Variants in KAZN observed in about 807,000 individuals in gnomAD.
The protein encoded by KAZN is kazrin, periplakin interacting protein.
KAZN carries 40 observed loss-of-function variants against 87.4 expected under a neutral mutation model. That is an observed-to-expected ratio of 0.46 (90% CI 0.36 to 0.60). The LOEUF is 0.60. Among genes scored for constraint, KAZN ranks in the 20% least tolerant of loss-of-function variants. KAZN has a pLI of 0.00. For missense variants in KAZN, 898 were observed against 1,073.9 expected, an observed-to-expected ratio of 0.84 and a Z score of 2.29; for synonymous variants, 466 against 458.3, an observed-to-expected ratio of 1.02 and a Z score of -0.22.
intron 1 of KAZN, among the ~76,000 whole-genome samples, chr1:14,870,360 T>A (rs753466382): frequency 5.3e-5 from 8 of 152,188 alleles, no homozygotes; most frequent in Non-Finnish European, 1.2e-4. Context: ...GTGTTTGTAT[T>A]GAGACAGAGT....
rs1483757953 is a variant in KAZN, at chr1:14,820,048, C to T, written c.227-140636C>T. Among the ~76,000 whole-genome samples the T allele has an allele frequency of 6.6e-6, 1 of 152,110 alleles. No individual in the cohort carries two copies. Among genetic ancestry groups the T allele is most frequent in the Non-Finnish European group, 1.5e-5 (1 of 68,028 alleles). On this transcript the variant is annotated intron_variant, in intron 1 of 14. Transcript: ENST00000376030. The surrounding 1 kb of genome is among the most constrained non-coding windows in gnomAD (Gnocchi z 4.1). The stretch of plus-strand genomic sequence containing the variant: ...TTTATATATATATAGTCCACCCTCA[C>T]CTCTATCTAATCTAGTGGTTCTCCA...
chr1:13,957,562 T>G (rs1641593226), intron 1 of KAZN, among the ~76,000 whole-genome samples: 1 of 152,082 alleles, frequency 6.6e-6, no homozygotes. Context: ...TTCTGATGGT[T>G]AGAAAGTTCA....
chr1:14,340,887 C>CTTTTTT (rs1557650364), intron 2 of KAZN, among the ~76,000 whole-genome samples: 2 of 45,120 alleles, frequency 4.4e-5, no homozygotes, highest in African/African-American at 2.4e-4. Context: ...CATGATTTTC[C>CTTTTTT]CTTTTTTTTT....
chr1:14,797,370 G>C (rs376102193), intron 1 of KAZN, among the ~76,000 whole-genome samples: 2 of 152,256 alleles, frequency 1.3e-5, no homozygotes, highest in East Asian at 3.9e-4. Context: ...CTATGGTGCT[G>C]TTTTTAATTT....
At chr1:14,760,380 C>T (rs974926295) in intron 1 of KAZN, among the ~76,000 whole-genome samples, 17 of 152,168 alleles carry the variant, frequency 1.1e-4, no homozygotes, top group African/African-American at 3.6e-4. Flanking sequence ...GGTTGAAGTG[C>T]GTTATCTCTT....
chr1:14,966,302 A>AAGT (rs1428981003), intron 2 of KAZN, among the ~76,000 whole-genome samples: 3 of 152,062 alleles, frequency 2.0e-5, no homozygotes, highest in Non-Finnish European at 4.4e-5. Context: ...TTTTAATGAG[A>AAGT]AGTAGCTGTA....
chr1:14,955,293 C>T (rs1284953487), intron 1 of KAZN, among the ~76,000 whole-genome samples: 1 of 152,234 alleles, frequency 6.6e-6, no homozygotes, highest in Non-Finnish European at 1.5e-5. Flanking sequence ...AAGCGCTTTA[C>T]GCATGTCTTA....
chr1:14,895,262 C>T (rs1655132795), intron 1 of KAZN, among the ~76,000 whole-genome samples: 1 of 152,266 alleles, frequency 6.6e-6, no homozygotes, highest in African/African-American at 2.4e-5. Flanking sequence ...GTTCCCCTGG[C>T]TCTCCCCTGC....
intron 2 of KAZN, among the ~76,000 whole-genome samples, chr1:14,233,382 G>A (rs959351384): frequency 6.6e-6 from 1 of 152,146 alleles, no homozygotes; most frequent in Non-Finnish European, 1.5e-5. Context: ...CAATCCTATT[G>A]CTGTGGCCTC....
intron 2 of KAZN, among the ~76,000 whole-genome samples, chr1:14,581,039 C>T (rs1347161780): frequency 2.0e-5 from 3 of 152,102 alleles, no homozygotes; most frequent in Admixed American, 6.6e-5. Flanking sequence ...TCTCTTTCAA[C>T]ATGGATTTGT....
chr1:14,528,354 A>G (rs915304595), intron 2 of KAZN, among the ~76,000 whole-genome samples: 40 of 150,628 alleles, frequency 2.7e-4, no homozygotes, highest in African/African-American at 8.5e-4. Context: ...AAAAAAAAAA[A>G]AAAAAAAGAA....
At chr1:14,101,830 T>C (rs141151647) in intron 1 of KAZN, among the ~76,000 whole-genome samples, 7 of 152,248 alleles carry the variant, frequency 4.6e-5, no homozygotes, top group African/African-American at 1.7e-4. Context: ...TGTTTACATA[T>C]TGTGTTTGCT....
At chr1:15,046,677 G>A (rs12082227) in intron 4 of KAZN, among the ~76,000 whole-genome samples, 12 of 152,156 alleles carry the variant, frequency 7.9e-5, no homozygotes, top group Admixed American at 3.3e-4. Flanking sequence ...GGCAGGATCC[G>A]TGGGCCTAGC....
At chr1:14,950,284 G>A (rs191544877) in intron 1 of KAZN, among the ~76,000 whole-genome samples, 2 of 152,234 alleles carry the variant, frequency 1.3e-5, no homozygotes, top group Non-Finnish European at 2.9e-5. Flanking sequence ...CACCAAGCCA[G>A]GCTCCTGTTC....
chr1:14,782,027 A>C (rs1425168282), intron 1 of KAZN, among the ~76,000 whole-genome samples: 3 of 152,228 alleles, frequency 2.0e-5, no homozygotes, highest in Non-Finnish European at 4.4e-5. Flanking sequence ...TAAAGTGGGC[A>C]TAAGAATGGA....
chr1:14,896,041 CTTTTTTTT>C (rs201188620), intron 1 of KAZN, among the ~76,000 whole-genome samples: 2 of 140,716 alleles, frequency 1.4e-5, no homozygotes, highest in African/African-American at 5.5e-5. Context: ...AAAAAGACGC[CTTTTTTTT>C]TTTTTTTTTT....
At chr1:13,993,590 A>T (rs1639379333) in intron 1 of KAZN, among the ~76,000 whole-genome samples, 1 of 152,250 alleles carries the variant, frequency 6.6e-6, no homozygotes, top group Non-Finnish European at 1.5e-5. Flanking sequence ...GCATCTAAAA[A>T]CTACATTAGG....
intron 2 of KAZN, among the ~76,000 whole-genome samples, chr1:14,365,906 C>T (rs187018589): frequency 1.3e-5 from 2 of 152,100 alleles, no homozygotes; most frequent in African/African-American, 2.4e-5. Flanking sequence ...CTAATAATAA[C>T]GACTCAAAAT....
intron 2 of KAZN, among the ~76,000 whole-genome samples, chr1:14,384,289 T>C (rs1661658882): frequency 1.3e-5 from 2 of 152,004 alleles, no homozygotes; most frequent in African/African-American, 4.8e-5. Context: ...CCTCTTTTCC[T>C]AATTGAATAC....
Sources: allele counts gnomAD v4.1 joint callset (sites outside exome capture counted in the v4.1 genomes callset), GRCh38; gene constraint gnomAD v4.1.1; non-coding constraint Gnocchi (gnomAD v3.1); transcripts MANE v1.5; gene names NCBI Gene and HGNC (gene_info 2026-07-23, HGNC 2026-07-21).